GEMIN5: variants seen among roughly 807,000 people sequenced by gnomAD.
GEMIN5 encodes the protein gem-associated protein 5.
In GEMIN5, 124 loss-of-function variants were observed where a neutral mutation model predicts 176.9. The ratio of observed to expected loss-of-function variants is 0.70; its 90% confidence interval spans 0.61 to 0.81. GEMIN5 has a LOEUF of 0.81. GEMIN5 is among the 40% of genes least tolerant of loss of function. GEMIN5 has a pLI of 0.00. For missense variants in GEMIN5, 1,843 were observed against 1,814.6 expected, an observed-to-expected ratio of 1.02 and a Z score of -0.28; for synonymous variants, 673 against 665.2, an observed-to-expected ratio of 1.01 and a Z score of -0.18.
intron 7 of GEMIN5, 111 bp downstream of exon 7, chr5:154,927,274 G>T: frequency 1.6e-6 from 1 of 614,406 alleles, no homozygotes. Context: ...TCTGAAATTG[G>T]AGTCAGGGGT....
rs1363236860 is a variant in GEMIN5 at position 154,928,656 on chromosome 5, A to G, written c.785T>C (p.Val262Ala). The G allele has an allele frequency of 6.2e-7, 1 of 1,613,646 alleles. No homozygotes were observed. Among genetic ancestry groups the G allele is most frequent in the Admixed American group, 1.7e-5 (1 of 59,974 alleles). The change falls in exon 6 of 28, where the codon GTG (valine) becomes GCG (alanine). Residue 262 changes from valine (V) to alanine (A), a missense_variant. By Grantham distance (64) the Val-to-Ala change is moderately conservative. Transcript: ENST00000285873. Reference sequence around the variant, plus strand: ...CAGAAAGGGCAATTTCAAAATCATCACCCCTGCAGATTAAAAAGAAGGCCA... The same window carrying G: ...CAGAAAGGGCAATTTCAAAATCATCGCCCCTGCAGATTAAAAAGAAGGCCA... ...RIWSCSRGRG[V>A]MILKLPFLKR... is the part of the protein sequence containing the mutation.
At position 154,923,334 on chromosome 5, in the gene GEMIN5, C is replaced by T. The variant is rs990509208; in HGVS notation, c.1379+1135G>A. On this transcript the variant is annotated intron_variant, in intron 9 of 27. Coordinates refer to ENST00000285873, the MANE Select transcript of GEMIN5 (RefSeq NM_015465.5). ...GGCGAAGGTTTTGGTGAGCTGAGATCGTACCACTGCACTCCAGCCTGGGCA... is the reference window on the plus strand; with the variant it reads ...GGCGAAGGTTTTGGTGAGCTGAGATTGTACCACTGCACTCCAGCCTGGGCA... 9.2e-5 allele frequency among the ~76,000 whole-genome samples: 14 copies of T among 151,912 alleles called. No homozygotes were observed. In the South Asian group the frequency reaches 1.5e-3, roughly 16 times the overall value.
intron 8 of GEMIN5, 55 bp downstream of exon 8, chr5:154,925,807 G>A: frequency 1.0e-6 from 1 of 985,788 alleles, no homozygotes; most frequent in Non-Finnish European, 1.6e-6. Context: ...AGGCATAAAA[G>A]AGAATTATTT....
At chr5:154,917,219 T>C in intron 12 of GEMIN5, 40 bp from the exon 13 acceptor site, 2 of 1,209,528 alleles carry the variant, frequency 1.7e-6, no homozygotes, top group Non-Finnish European at 1.1e-6. Context: ...AGATGGATGA[T>C]CAAATTACAA....
chr5:154,911,578 G>A (rs900802103), intron 15 of GEMIN5, 149 bp downstream of exon 15: 22 of 611,834 alleles, frequency 3.6e-5, no homozygotes, highest in Non-Finnish European at 8.5e-6. Context: ...TTGTTCTCAA[G>A]CCCTTGTGGC....
At position 154,913,138 on chromosome 5, in the gene GEMIN5, T is replaced by C. The variant is rs1239421654; in HGVS notation, c.1856-100A>G. 6.7e-6 allele frequency: 7 copies of C among 1,040,330 alleles called. No homozygotes were observed. The African/African-American group carries it at 8.1e-5, about 12-fold the overall frequency. The allele number at this position is 1,040,330 out of a possible 1,614,324, so 64.4% of individuals were successfully genotyped here. A position where few individuals can be genotyped will look rare whatever the true frequency, so the allele number is the denominator to read the frequency against. ...CATTCACATGACAAGAATCAAGATT[T>C]TGCCATACACTTTCTAGGTTATTTT... On this transcript the variant is annotated intron_variant, in intron 13 of 27. Transcript: ENST00000285873.
At chr5:154,890,469 T>A (rs1410720262) in intron 26 of GEMIN5, among the ~76,000 whole-genome samples, 1 of 137,642 alleles carries the variant, frequency 7.3e-6, no homozygotes, top group Non-Finnish European at 1.5e-5. Flanking sequence ...AAAATTTAAT[T>A]TTTTTTTTTT....
chr5:154,892,817 G>C (rs1195144669), intron 24 of GEMIN5, among the ~76,000 whole-genome samples: 2 of 152,124 alleles, frequency 1.3e-5, no homozygotes, highest in Non-Finnish European at 2.9e-5. Flanking sequence ...ACAAAAAGTG[G>C]GCCAGGCGCG....
chr5:154,913,787 A>T (rs907919309), intron 13 of GEMIN5, among the ~76,000 whole-genome samples: 3 of 152,120 alleles, frequency 2.0e-5, no homozygotes, highest in African/African-American at 7.2e-5. Context: ...ACTGTACTAC[A>T]GCCTGGGTGA....
chr5:154,903,023 C>A, intron 19 of GEMIN5, 57 bp downstream of exon 19: 7 of 1,154,608 alleles, frequency 6.1e-6, no homozygotes, highest in Non-Finnish European at 9.0e-6. Flanking sequence ...GAGGTGCACA[C>A]AAAATGTTGG....
chr5:154,889,031 C>A (rs561286692), intron 27 of GEMIN5, among the ~76,000 whole-genome samples: 2 of 152,056 alleles, frequency 1.3e-5, no homozygotes, highest in African/African-American at 2.4e-5. Flanking sequence ...CACCTGCCCC[C>A]ACGCCCGGCT....
intron 3 of GEMIN5, among the ~76,000 whole-genome samples, chr5:154,935,386 C>T (rs917245247): frequency 3.3e-5 from 5 of 152,168 alleles, no homozygotes; most frequent in East Asian, 3.9e-4. Flanking sequence ...GTGAAAGAAA[C>T]GGGGATGTAT....
intron 16 of GEMIN5, among the ~76,000 whole-genome samples, chr5:154,906,209 T>C (rs1763565557): frequency 6.6e-6 from 1 of 152,068 alleles, no homozygotes; most frequent in South Asian, 2.1e-4. Context: ...TTGCTTAGGC[T>C]AGTCTCAAGC....
rs1378195568 is a variant in GEMIN5 at position 154,891,495 on chromosome 5, G to C, written c.4008C>G (p.Asn1336Lys). The C allele has an allele frequency of 6.2e-7, 1 of 1,614,186 alleles. No individual in the cohort carries two copies. The highest frequency in any genetic ancestry group is 8.5e-7 in the Non-Finnish European group (1 of 1,180,032). ...GTCTCAAGTCTAGTTCTGAAGGCCT[G>C]TTTGGCTCTGGCTGAGAAGTTTCAG... Reference protein sequence around the residue: ...TDPETSQPEPNRPSELDLRLT... With the variant: ...TDPETSQPEPKRPSELDLRLT... The change falls in exon 26 of 28, where the codon AAC (asparagine) becomes AAG (lysine). Residue 1336 changes from asparagine (N) to lysine (K), a missense_variant. Transcript: ENST00000285873.
At chr5:154,925,472 A>G (rs1470403225) in intron 8 of GEMIN5, among the ~76,000 whole-genome samples, 2 of 152,232 alleles carry the variant, frequency 1.3e-5, no homozygotes, top group African/African-American at 4.8e-5. Flanking sequence ...CCTGCTTTCC[A>G]TGTTTTATAA....
chr5:154,931,905 C>T (rs1038848103), intron 4 of GEMIN5, among the ~76,000 whole-genome samples, 194 bp downstream of exon 4: 3 of 152,114 alleles, frequency 2.0e-5, no homozygotes, highest in African/African-American at 4.8e-5. Context: ...CCCGGCTACT[C>T]GGGAGGCTGA....
chr5:154,932,544 A>C (rs1424182593), intron 3 of GEMIN5, among the ~76,000 whole-genome samples: 1 of 152,120 alleles, frequency 6.6e-6, no homozygotes, highest in East Asian at 1.9e-4. Flanking sequence ...TTTTGTTCTA[A>C]GGGAATTTTC....
intron 15 of GEMIN5, among the ~76,000 whole-genome samples, 157 bp from the exon 16 acceptor site, chr5:154,907,975 C>T (rs948074501): frequency 1.3e-5 from 2 of 152,078 alleles, no homozygotes; most frequent in Non-Finnish European, 2.9e-5. Context: ...ACAATATTAA[C>T]CAAACCCTTT....
intron 16 of GEMIN5, 64 bp downstream of exon 16, chr5:154,907,527 A>T: frequency 8.8e-7 from 1 of 1,134,742 alleles, no homozygotes; most frequent in East Asian, 2.4e-5. Flanking sequence ...CTGAGTAAGG[A>T]CCTAGCTTAG....
Sources: allele counts gnomAD v4.1 joint callset (sites outside exome capture counted in the v4.1 genomes callset), GRCh38; gene constraint gnomAD v4.1.1; transcripts MANE v1.5; gene names NCBI Gene and HGNC (gene_info 2026-07-23, HGNC 2026-07-21).